F11R: variants seen among roughly 807,000 people sequenced by gnomAD.
The protein encoded by F11R is F11 receptor, also known as junctional adhesion molecule A.
In F11R, 27 loss-of-function variants were observed where a neutral mutation model predicts 39.3. The observed-to-expected ratio is 0.69, with a 90% CI of 0.51 to 0.95. The LOEUF is 0.95. F11R is among the 40% of genes least tolerant of loss of function. The probability of loss-of-function intolerance (pLI) is 0.00; values close to 1 mark genes in which losing one functional copy is unlikely to be tolerated. For synonymous variants in F11R, 131 were observed against 144.9 expected (o/e 0.90, Z 0.69); for missense variants, 335 against 372.7 (o/e 0.90, Z 0.83).
intron 1 of F11R, among the ~76,000 whole-genome samples, chr1:161,004,472 G>A (rs901060312): frequency 1.5e-4 from 23 of 152,042 alleles, no homozygotes; most frequent in African/African-American, 3.4e-4. Flanking sequence ...ACTTGAACCC[G>A]GGAGGCAGAG....
rs1290112168 is a variant in F11R, at chr1:160,999,648, T to C, written c.794A>G (p.His265Arg). Reference protein sequence around the residue: ...FGIWFAYSRGHFDRTKKGTSS... With the variant: ...FGIWFAYSRGRFDRTKKGTSS... ...TGGGGGCAGATACTTACTGTCAAAGTGGCCTCGGCTATAGGCAAACCAGAT... is the reference window on the plus strand; with the variant it reads ...TGGGGGCAGATACTTACTGTCAAAGCGGCCTCGGCTATAGGCAAACCAGAT... The change falls in exon 7 of 10, where the codon CAC becomes CGC. Residue 265 changes from histidine (H) to arginine (R), a missense_variant. Coordinates refer to ENST00000368026, the MANE Select transcript of F11R (RefSeq NM_016946.6). 1.2e-6 allele frequency: 2 copies of C among 1,613,864 alleles called. No homozygotes were observed. The highest frequency in any genetic ancestry group is 1.7e-6 in the Non-Finnish European group (2 of 1,179,914).
intron 1 of F11R, among the ~76,000 whole-genome samples, chr1:161,014,913 C>CA (rs374593671): frequency 0.54 from 72,851 of 134,584 alleles, 20,260 homozygotes; most frequent in East Asian, 0.71. Context: ...ACTAAAAATA[C>CA]AAAAAAAAAA....
chr1:161,020,934 G>C, intron 1 of F11R, 76 bp downstream of exon 1: 1 of 1,310,188 alleles, frequency 7.6e-7, no homozygotes, highest in Non-Finnish European at 1.1e-6. Flanking sequence ...CCTCCCGCGG[G>C]CTAGGGGCGT....
At chr1:161,000,595 A>G in intron 4 of F11R, 36 bp downstream of exon 4, 6 of 1,613,330 alleles carry the variant, frequency 3.7e-6, no homozygotes, top group Non-Finnish European at 5.1e-6. Flanking sequence ...AGAAGTAACT[A>G]ACTCCAGGCC....
rs1043958855 is a variant in F11R at position 161,000,455 on chromosome 1, C to A, written c.389-107G>T. ...AACTACTCAGCTCAAGCCTCCTACT[C>A]TCACCATGCCCCTGGCTGCCACCTA... On this transcript the variant is annotated intron_variant, in intron 4 of 9. Transcript: ENST00000368026. The A allele has an allele frequency of 4.9e-6, 7 of 1,416,252 alleles. No individual in the cohort carries two copies. The African/African-American group carries it at 9.9e-5, about 20-fold the overall frequency. The allele number at this position is 1,416,252 out of a possible 1,614,324, so 87.7% of individuals were successfully genotyped here. A position where few individuals can be genotyped will look rare whatever the true frequency, so the allele number is the denominator to read the frequency against.
chr1:160,997,244 C>T lies in F11R; in HGVS notation c.*1627G>A, dbSNP rs140186836. On this transcript the variant is annotated 3_prime_UTR_variant, in exon 10 of 10. Coordinates refer to ENST00000368026, the MANE Select transcript of F11R (RefSeq NM_016946.6). ...TTCAAATTTCTTCTGAATTCCACCC[C>T]ACTAAATACAGTAGCAGTTACTACT... 2.0e-5 allele frequency: 3 copies of T among 152,444 alleles called. No individual in the cohort carries two copies. The highest frequency in any genetic ancestry group is 7.2e-5 in the African/African-American group (3 of 41,552). 9.4% of individuals were successfully genotyped at this position (152,444 alleles called of 1,614,324 possible).
chr1:160,999,891 C>T lies in F11R; in HGVS notation c.679G>A (p.Val227Met), dbSNP rs1648362045. ...GYGTPMTSNA[V>M]RMEAVERNVG... ...TAACTCTCACCAGCTTCCATGCGCA[C>T]AGCATTTGAAGTCATGGGTGTCCCA... Residue 227 changes from valine to methionine, a missense_variant, in exon 6 of 10, where the codon GTG becomes ATG. Val to Met is a conservative substitution (Grantham distance 21). Coordinates refer to ENST00000368026, the MANE Select transcript of F11R (RefSeq NM_016946.6). 1.9e-6 allele frequency: 3 copies of T among 1,614,196 alleles called. No homozygotes were observed. The highest frequency in any genetic ancestry group is 2.5e-6 in the Non-Finnish European group (3 of 1,180,016).
chr1:161,019,030 G>A (rs1347109900), intron 1 of F11R, among the ~76,000 whole-genome samples: 1 of 152,186 alleles, frequency 6.6e-6, no homozygotes, highest in Middle Eastern at 3.2e-3. Flanking sequence ...AGGATAGGGA[G>A]TAAGCAGCTC....
At chr1:161,007,248 C>T (rs1648871055) in intron 1 of F11R, among the ~76,000 whole-genome samples, 1 of 151,046 alleles carries the variant, frequency 6.6e-6, no homozygotes, top group Non-Finnish European at 1.5e-5. Flanking sequence ...GGCAGATCAC[C>T]TGAGGTGGGG....
chr1:161,011,432 T>C (rs1461335763), intron 1 of F11R, among the ~76,000 whole-genome samples: 1 of 151,704 alleles, frequency 6.6e-6, no homozygotes, highest in Middle Eastern at 3.2e-3. Context: ...TTAGGAATAA[T>C]GTAGAAAGGA....
chr1:161,010,899 G>C (rs946856538), intron 1 of F11R, among the ~76,000 whole-genome samples: 1 of 148,638 alleles, frequency 6.7e-6, no homozygotes, highest in African/African-American at 2.5e-5. Flanking sequence ...GCTTGAACCT[G>C]GGAGGTGGAG....
chr1:160,999,642 T>C lies in F11R; in HGVS notation c.800A>G (p.Asp267Gly). 6.2e-7 allele frequency: 1 copy of C among 1,613,692 alleles called. No individual in the cohort carries two copies. The highest frequency in any genetic ancestry group is 8.5e-7 in the Non-Finnish European group (1 of 1,179,754). The change falls in exon 7 of 10, where the codon GAC becomes GGC. Residue 267 changes from aspartate (D) to glycine (G), a missense_variant and splice_region_variant. Asp to Gly is a moderately conservative substitution (Grantham distance 94, BLOSUM62 -1). Coordinates refer to ENST00000368026, the MANE Select transcript of F11R (RefSeq NM_016946.6). ...IWFAYSRGHFDRTKKGTSSKK... is the reference protein window; with the variant it reads ...IWFAYSRGHFGRTKKGTSSKK... ...AGCCTCTGGGGGCAGATACTTACTG[T>C]CAAAGTGGCCTCGGCTATAGGCAAA...
chr1:161,021,090 A>T lies in F11R; in HGVS notation c.-17T>A. The T allele has an allele frequency of 6.2e-7, 1 of 1,610,982 alleles. No individual in the cohort carries two copies. The highest frequency in any genetic ancestry group is 8.5e-7 in the Non-Finnish European group (1 of 1,177,726). ...TGTCCCCATCGCGATCAGGCTCCCG[A>T]CACAACAGCCGCCGAAGGACTCCTG... On this transcript the variant is annotated 5_prime_UTR_variant, in exon 1 of 10. Coordinates refer to ENST00000368026, the MANE Select transcript of F11R (RefSeq NM_016946.6).
Position 161,001,016 on chromosome 1 carries a change from T to C in F11R, c.241+4A>G. 1 of 1,612,126 alleles carries C rather than the reference T, an allele frequency of 6.2e-7. No individual in the cohort carries two copies. The highest frequency in any genetic ancestry group is 8.5e-7 in the Non-Finnish European group (1 of 1,178,244). ...GCAATCAGGAAGGAGGAGAAGCAAC[T>C]CACCTGTGATCTTGTTATTATAGCA... On this transcript the variant is annotated splice_donor_region_variant and intron_variant, in intron 3 of 9. Coordinates refer to ENST00000368026, the MANE Select transcript of F11R (RefSeq NM_016946.6).
intron 1 of F11R, among the ~76,000 whole-genome samples, chr1:161,005,066 C>T (rs868767440): frequency 2.7e-4 from 41 of 151,132 alleles, no homozygotes; most frequent in Middle Eastern, 3.4e-3. Flanking sequence ...GAGGCTGAGG[C>T]AGGAGAATCA....
intron 1 of F11R, among the ~76,000 whole-genome samples, chr1:161,011,594 A>G (rs1246497103): frequency 6.6e-6 from 1 of 151,926 alleles, no homozygotes; most frequent in Non-Finnish European, 1.5e-5. Flanking sequence ...AGCCAGGCGT[A>G]GTGGTGGGCA....
Position 160,997,841 on chromosome 1 carries a change from A to C in F11R, c.*1030T>G, listed in dbSNP as rs1174466863. On this transcript the variant is annotated 3_prime_UTR_variant, in exon 10 of 10. Transcript: ENST00000368026. Reference sequence around the variant, plus strand: ...GACTACACAACACACACACAAGCTCAACAAAGAGCTAAGACCACTACACAC... The same window carrying C: ...GACTACACAACACACACACAAGCTCCACAAAGAGCTAAGACCACTACACAC... The C allele has an allele frequency of 2.0e-5, 3 of 153,090 alleles. No individual in the cohort carries two copies. Among genetic ancestry groups the C allele is most frequent in the Admixed American group, 6.5e-5 (1 of 15,276 alleles). The allele number at this position is 153,090 out of a possible 1,614,324, so 9.5% of individuals were successfully genotyped here.
At position 160,998,862 on chromosome 1, in the gene F11R, C is replaced by T. The variant is rs776670650; in HGVS notation, c.*9G>A. 1.2e-5 allele frequency: 20 copies of T among 1,613,966 alleles called. No individual in the cohort carries two copies. The highest frequency in any genetic ancestry group is 2.2e-5 in the East Asian group (1 of 44,900). On this transcript the variant is annotated 3_prime_UTR_variant, in exon 10 of 10. Coordinates refer to ENST00000368026, the MANE Select transcript of F11R (RefSeq NM_016946.6). ...CAAATGCAGATGATAGGCGGTGAGC[C>T]GACCAGGCTCACACCAGGAATGACG...
intron 1 of F11R, among the ~76,000 whole-genome samples, chr1:161,004,010 C>T (rs989634361): frequency 1.3e-5 from 2 of 152,156 alleles, no homozygotes; most frequent in East Asian, 1.9e-4. Flanking sequence ...GTGATCCACC[C>T]GCCCTGGCCT....
Sources: allele counts gnomAD v4.1 joint callset (sites outside exome capture counted in the v4.1 genomes callset), GRCh38; gene constraint gnomAD v4.1.1; transcripts MANE v1.5; gene names NCBI Gene and HGNC (gene_info 2026-07-23, HGNC 2026-07-21).